HPSE2: variants seen among roughly 807,000 people sequenced by gnomAD.
The protein encoded by HPSE2 is inactive heparanase-2.
A neutral mutation model predicts 60.5 loss-of-function variants in HPSE2; 38 were observed. The ratio of observed to expected loss-of-function variants is 0.63; its 90% CI spans 0.48 to 0.82. HPSE2 has a LOEUF of 0.82. Among genes scored for constraint, HPSE2 ranks in the 40% least tolerant of loss-of-function variants. The probability of loss-of-function intolerance (pLI) is 0.00; values close to 1 mark genes in which losing one functional copy is unlikely to be tolerated. For synonymous variants in HPSE2, 295 were observed against 293.2 expected (o/e 1.01, Z -0.06); for missense variants, 713 against 740.4 (o/e 0.96, Z 0.43).
intron 3 of HPSE2, among the ~76,000 whole-genome samples, chr10:98,808,476 A>G (rs1263899054): frequency 6.6e-6 from 1 of 152,202 alleles, no homozygotes; most frequent in Non-Finnish European, 1.5e-5. Context: ...CTAGCATATA[A>G]CATTTAATCA....
intron 9 of HPSE2, among the ~76,000 whole-genome samples, chr10:98,597,700 A>G (rs1389702260): frequency 6.8e-6 from 1 of 147,680 alleles, no homozygotes; most frequent in Non-Finnish European, 1.5e-5. Flanking sequence ...GCTCATCCGC[A>G]TGTGTTGACT....
chr10:98,656,235 C>T (rs189084261), intron 6 of HPSE2, among the ~76,000 whole-genome samples: 1 of 152,130 alleles, frequency 6.6e-6, no homozygotes, highest in African/African-American at 2.4e-5. Context: ...ACAGGCGCAT[C>T]CCACCACACC....
At chr10:99,078,005 G>A (rs962022744) in intron 3 of HPSE2, among the ~76,000 whole-genome samples, 1 of 152,016 alleles carries the variant, frequency 6.6e-6, no homozygotes, top group African/African-American at 2.4e-5. Flanking sequence ...AAAAGAGTGT[G>A]ACACTTCTCC....
At chr10:99,151,062 C>T (rs982798635) in intron 2 of HPSE2, among the ~76,000 whole-genome samples, 2 of 151,360 alleles carry the variant, frequency 1.3e-5, no homozygotes, top group Non-Finnish European at 2.9e-5. Flanking sequence ...AACAGCACAA[C>T]AAAAAGATAT....
intron 3 of HPSE2, among the ~76,000 whole-genome samples, chr10:99,141,081 G>A (rs754781722): frequency 1.1e-4 from 17 of 152,202 alleles, no homozygotes; most frequent in Non-Finnish European, 2.2e-4. Context: ...TATGTACACA[G>A]TAGAACATTT....
At chr10:99,209,873 G>A (rs1293214587) in intron 2 of HPSE2, among the ~76,000 whole-genome samples, 1 of 151,980 alleles carries the variant, frequency 6.6e-6, no homozygotes. Context: ...TATTTTTAGT[G>A]GAGACAGGGT....
At chr10:99,098,636 G>A (rs774706868) in intron 3 of HPSE2, among the ~76,000 whole-genome samples, 3 of 152,064 alleles carry the variant, frequency 2.0e-5, no homozygotes, top group Admixed American at 6.5e-5. Flanking sequence ...TGTAGAAAAC[G>A]TTGGTTCTTA....
rs551931898 is a variant in HPSE2, at chr10:98,837,218, T to G, written c.611-93162A>C. On this transcript the variant is annotated intron_variant, in intron 3 of 11. Coordinates refer to ENST00000370552, the MANE Select transcript of HPSE2 (RefSeq NM_021828.5). ...TCACAGTATAAGAGAGAATAATCAT[T>G]AATACTCATAGTTTGAAACAGCAAC... is the stretch of plus-strand genomic sequence containing the variant. Among the ~76,000 whole-genome samples the G allele has an allele frequency of 4.6e-5, 7 of 152,330 alleles. No individual in the cohort carries two copies. In the East Asian group the frequency reaches 1.3e-3, roughly 29 times the overall value.
At chr10:98,966,093 G>C (rs1189425354) in intron 3 of HPSE2, among the ~76,000 whole-genome samples, 1 of 152,102 alleles carries the variant, frequency 6.6e-6, no homozygotes, top group East Asian at 1.9e-4. Context: ...GTTTCACCAA[G>C]TTGGCCAGAC....
chr10:98,914,609 C>T (rs185943794), intron 3 of HPSE2, among the ~76,000 whole-genome samples: 1 of 146,236 alleles, frequency 6.8e-6, no homozygotes, highest in African/African-American at 2.6e-5. Context: ...CATGTCTGAT[C>T]TAGTATGTTC....
rs35839169 is a variant in HPSE2 at position 98,585,951 on chromosome 10, C to CA, written c.1320+28952dup. On this transcript the variant is annotated intron_variant, in intron 9 of 11. Coordinates refer to ENST00000370552, the MANE Select transcript of HPSE2 (RefSeq NM_021828.5). ...AGGGTGACAGAGCAAGACTGTGTCT[C>CA]AAAAAAAAAAAAAAAAAAAAGTCCT... Among the ~76,000 whole-genome samples, 418 of 116,980 alleles carry CA rather than the reference C, an allele frequency of 3.6e-3. 1 individual carries two copies. Among genetic ancestry groups the CA allele is most frequent in the East Asian group, 9.8e-3 (35 of 3,554 alleles). 76.7% of individuals were successfully genotyped at this position (116,980 alleles called of 152,430 possible).
At chr10:99,181,421 A>AAAAAAAAAAAAAAAG (rs1847772702) in intron 2 of HPSE2, among the ~76,000 whole-genome samples, 4 of 138,206 alleles carry the variant, frequency 2.9e-5, no homozygotes, top group African/African-American at 1.1e-4. Flanking sequence ...AAAAAAAAAA[A>AAAAAAAAAAAAAAAG]GACACACGCA....
In HPSE2 at chr10:98,490,155, G is replaced by A. The variant is rs1941590648; in HGVS notation, c.1362C>T (p.Pro454=). ...CAGCCACATGCACAGCCAAGACTTT[G>A]GGGCCGATCAGGCGCTTGTAGAGGA... ...LSLLYKRLIG[P]KVLAVHVAGL... is the part of the protein sequence containing the mutation. Residue 454 remains proline (P), a synonymous_variant, in exon 10 of 12, where the codon CCC becomes CCT. Coordinates refer to ENST00000370552, the MANE Select transcript of HPSE2 (RefSeq NM_021828.5). 6.2e-7 allele frequency: 1 copy of A among 1,614,050 alleles called. No individual in the cohort carries two copies. The highest frequency in any genetic ancestry group is 8.5e-7 in the Non-Finnish European group (1 of 1,180,038).
At chr10:99,297,212 C>T in the HPSE2 span, among the ~76,000 whole-genome samples, 36 of 152,178 alleles carry the variant, frequency 2.4e-4, 1 homozygote, top group Admixed American at 2.4e-3. Flanking sequence ...ATGCAGTCTG[C>T]CTCATGTGAC....
chr10:99,091,822 C>T (rs1843525015), intron 3 of HPSE2, among the ~76,000 whole-genome samples: 1 of 152,278 alleles, frequency 6.6e-6, no homozygotes, highest in South Asian at 2.1e-4. Context: ...ACCACATTCT[C>T]TCTCATTAAA....
chr10:99,307,337 A>G, the HPSE2 span, among the ~76,000 whole-genome samples: 1 of 152,224 alleles, frequency 6.6e-6, no homozygotes, highest in Non-Finnish European at 1.5e-5. Flanking sequence ...AGCATAAGCT[A>G]TAACACTAGA....
chr10:99,151,402 G>A (rs1846257512), intron 2 of HPSE2, among the ~76,000 whole-genome samples: 1 of 152,098 alleles, frequency 6.6e-6, no homozygotes, highest in African/African-American at 2.4e-5. Context: ...CCTACAAGGA[G>A]AGGAAAAATA....
intron 2 of HPSE2, among the ~76,000 whole-genome samples, chr10:99,215,661 T>C (rs568302381): frequency 6.6e-5 from 10 of 152,128 alleles, no homozygotes; most frequent in African/African-American, 1.4e-4. Context: ...CGACCACATG[T>C]TGTATGATTC....
chr10:98,626,245 A>G (rs932153504), intron 7 of HPSE2, among the ~76,000 whole-genome samples: 5 of 152,218 alleles, frequency 3.3e-5, no homozygotes, highest in East Asian at 1.9e-4. Flanking sequence ...TTTGCAAAGC[A>G]AAAAGGAGCA....
Sources: allele counts gnomAD v4.1 joint callset (sites outside exome capture counted in the v4.1 genomes callset), GRCh38; gene constraint gnomAD v4.1.1; transcripts MANE v1.5; gene names NCBI Gene and HGNC (gene_info 2026-07-23, HGNC 2026-07-21).